The following NEXMIF variants were observed in gnomAD, a reference collection of about 807,000 sequenced individuals.
NEXMIF encodes neurite extension and migration factor, also known as XLMR protein related to neurite extension.
In NEXMIF, 8 loss-of-function variants were observed where a neutral mutation model predicts 62.1. The observed-to-expected ratio is 0.13, with a 90% CI of 0.08 to 0.23. NEXMIF has a LOEUF of 0.23. Among genes scored for constraint, NEXMIF ranks in the 10% least tolerant of loss-of-function variants. The probability of loss-of-function intolerance (pLI) is 1.00; values close to 1 mark genes in which losing one functional copy is unlikely to be tolerated. For missense variants in NEXMIF, 976 were observed against 1,113.3 expected (o/e 0.88, Z 1.75); for synonymous variants, 404 against 416.6 (o/e 0.97, Z 0.37).
intron 1 of NEXMIF, among the ~76,000 whole-genome samples, chrX:74,838,658 G>A (rs751917004): frequency 5.7e-4 from 63 of 111,332 alleles, no homozygotes; most frequent in Non-Finnish European, 9.2e-4. Context: ...GTGCTCCAAG[G>A]TCCCTTCTTT....
chrX:74,887,230 A>G (rs1425146986), intron 1 of NEXMIF, among the ~76,000 whole-genome samples: 1 of 111,885 alleles, frequency 8.9e-6, no homozygotes, highest in Non-Finnish European at 1.9e-5. Context: ...CATTCAGGAC[A>G]TAGGCATGGG....
At chrX:74,796,231 T>TATATATACACATATATA (rs1569345247) in intron 1 of NEXMIF, among the ~76,000 whole-genome samples, 4 of 53,303 alleles carry the variant, frequency 7.5e-5, no homozygotes, top group Non-Finnish European at 1.3e-4. Context: ...ACATATATAA[T>TATATATACACATATATA]ATATATATAT....
intron 1 of NEXMIF, among the ~76,000 whole-genome samples, chrX:74,854,248 C>A (rs1159930463): frequency 8.9e-6 from 1 of 111,863 alleles, no homozygotes. Context: ...GGGATCTATC[C>A]CAGGGATGCA....
chrX:74,868,843 C>G (rs1472836860), intron 1 of NEXMIF, among the ~76,000 whole-genome samples: 3 of 110,928 alleles, frequency 2.7e-5, no homozygotes. Flanking sequence ...AATAAAAAGT[C>G]TCCCAGCAAA....
At chrX:74,817,899 A>C (rs1317575172) in intron 1 of NEXMIF, among the ~76,000 whole-genome samples, 4 of 111,166 alleles carry the variant, frequency 3.6e-5, no homozygotes, top group East Asian at 2.8e-4. Flanking sequence ...CAGCTAACCA[A>C]AGAGGTTGAA....
chrX:74,914,573 C>T (rs1170221740), intron 1 of NEXMIF, among the ~76,000 whole-genome samples: 7 of 111,442 alleles, frequency 6.3e-5, no homozygotes, highest in African/African-American at 1.3e-4. Context: ...CCCAGCTACT[C>T]GGGAGGCTGA....
intron 1 of NEXMIF, among the ~76,000 whole-genome samples, chrX:74,831,320 T>C (rs1162161655): frequency 2.8e-5 from 3 of 108,478 alleles, no homozygotes; most frequent in Non-Finnish European, 5.7e-5. Flanking sequence ...ATTACGTATA[T>C]CTCCTAATGC....
Position 74,741,391 on chromosome X carries a change from A to T in NEXMIF, c.3166T>A (p.Ser1056Thr). Residue 1056 changes from serine (S) to threonine (T), a missense_variant, in exon 3 of 4, where the codon TCC becomes ACC. By Grantham distance (58) the Ser-to-Thr change is moderately conservative. This residue lies in a region of NEXMIF where 639 missense variants were observed against 694.5 expected (regional missense o/e 0.92). Coordinates refer to ENST00000055682, the MANE Select transcript of NEXMIF (RefSeq NM_001008537.3). The stretch of plus-strand genomic sequence containing the variant: ...CGGAATTTGTCAGGGGTGAAGTTGG[A>T]TATATCCAGGAGGTCAGTGGACTCC... ...LKESTDLLDI[S>T]NFTPDKFRHS... 8.3e-7 allele frequency: 1 copy of T among 1,210,975 alleles called. No homozygotes were observed. Among genetic ancestry groups the T allele is most frequent in the Non-Finnish European group, 1.1e-6 (1 of 895,222 alleles).
chrX:74,804,382 C>A (rs1027073958), intron 1 of NEXMIF, among the ~76,000 whole-genome samples: 8 of 112,073 alleles, frequency 7.1e-5, no homozygotes, highest in African/African-American at 2.6e-4. Flanking sequence ...TGAGTCTTAC[C>A]TGAAGCCAGC....
chrX:74,828,479 A>G (rs911364576), intron 1 of NEXMIF, among the ~76,000 whole-genome samples: 2 of 112,155 alleles, frequency 1.8e-5, no homozygotes, highest in African/African-American at 3.2e-5. Flanking sequence ...CAAGGTTTCA[A>G]TAAGAAAAAA....
At chrX:74,809,687 C>T (rs1335005665) in intron 1 of NEXMIF, among the ~76,000 whole-genome samples, 1 of 111,444 alleles carries the variant, frequency 9.0e-6, no homozygotes. Flanking sequence ...ATTCGTGTTT[C>T]CTGATGCCAA....
chrX:74,801,097 T>C (rs1041817919), intron 1 of NEXMIF, among the ~76,000 whole-genome samples: 9 of 112,168 alleles, frequency 8.0e-5, no homozygotes, highest in African/African-American at 2.9e-4. Flanking sequence ...GATTGGCTTC[T>C]TTCATGTAGC....
intron 1 of NEXMIF, among the ~76,000 whole-genome samples, chrX:74,916,349 C>A (rs1484765721): frequency 1.1e-4 from 12 of 111,791 alleles, no homozygotes; most frequent in African/African-American, 3.6e-4. Flanking sequence ...CAAGAAACTC[C>A]CTGAGGTTTG....
chrX:74,881,101 ACTC>A (rs918279270), intron 1 of NEXMIF, among the ~76,000 whole-genome samples: 5 of 111,272 alleles, frequency 4.5e-5, no homozygotes, highest in Admixed American at 1.9e-4. Context: ...CCTGCTGCTC[ACTC>A]CTCAAGTAAG....
At position 74,919,132 on chromosome X, in the gene NEXMIF, TATTA is replaced by T. The variant is rs2080817576; in HGVS notation, c.-48+5747_-48+5750del. ...AGTTTCTCCTGATAAACTTTAAACT[TATTA>T]ATTCTTACCAGTCTTTCATGAAAGT... On this transcript the variant is annotated intron_variant, in intron 1 of 3. Coordinates refer to ENST00000055682, the MANE Select transcript of NEXMIF (RefSeq NM_001008537.3). Among the ~76,000 whole-genome samples the T allele has an allele frequency of 3.6e-5, 4 of 111,984 alleles. No individual in the cohort carries two copies. In the South Asian group the frequency reaches 1.5e-3, roughly 42 times the overall value.
intron 1 of NEXMIF, among the ~76,000 whole-genome samples, chrX:74,794,223 G>T (rs1464468064): frequency 2.7e-5 from 3 of 109,915 alleles, no homozygotes; most frequent in Non-Finnish European, 5.7e-5. Flanking sequence ...AGGTCTGTTG[G>T]AATACCCTGC....
intron 1 of NEXMIF, among the ~76,000 whole-genome samples, chrX:74,884,658 G>C (rs4279757): frequency 0.15 from 16,231 of 110,917 alleles, 1,789 homozygotes; most frequent in East Asian, 0.91. Flanking sequence ...AGTCCTTAGT[G>C]GCCTACAAAG....
intron 1 of NEXMIF, among the ~76,000 whole-genome samples, chrX:74,799,084 T>C (rs1175610731): frequency 9.0e-6 from 1 of 111,256 alleles, no homozygotes; most frequent in Non-Finnish European, 1.9e-5. Context: ...AGGCTGGTCT[T>C]GAACCCCTGG....
intron 1 of NEXMIF, among the ~76,000 whole-genome samples, chrX:74,767,142 A>G (rs1021098462): frequency 7.1e-5 from 8 of 112,571 alleles, no homozygotes; most frequent in Non-Finnish European, 1.3e-4. Flanking sequence ...AGGGAGCTGC[A>G]GAGCTGCTAC....
Sources: allele counts gnomAD v4.1 joint callset (sites outside exome capture counted in the v4.1 genomes callset), GRCh38; gene constraint gnomAD v4.1.1; regional missense constraint gnomAD v4.1.1; transcripts MANE v1.5; gene names NCBI Gene and HGNC (gene_info 2026-07-23, HGNC 2026-07-21).